AGBL4: variants seen among roughly 807,000 people sequenced by gnomAD.
AGBL4 encodes cytosolic carboxypeptidase 6.
A neutral mutation model predicts 66.4 loss-of-function variants in AGBL4; 58 were observed. The ratio of observed to expected loss-of-function variants is 0.87; its 90% CI spans 0.71 to 1.09. The LOEUF is 1.09. Ranked by LOEUF, AGBL4 falls within the 50% of genes least tolerant of loss-of-function variation. AGBL4 has a pLI of 0.00. For missense variants in AGBL4, 579 were observed against 631.0 expected (o/e 0.92, Z 0.88); for synonymous variants, 234 against 222.9 (o/e 1.05, Z -0.44).
At chr1:49,001,547 A>T (rs1661394490) in intron 5 of AGBL4, among the ~76,000 whole-genome samples, 3 of 152,118 alleles carry the variant, frequency 2.0e-5, no homozygotes. Context: ...AACATCACAA[A>T]CTACACACCA....
intron 1 of AGBL4, among the ~76,000 whole-genome samples, chr1:50,010,469 A>AAC (rs113933841): frequency 0.42 from 62,466 of 148,784 alleles, 14,843 homozygotes; most frequent in Non-Finnish European, 0.54. Context: ...AGGAACCACA[A>AAC]ACACACACAC....
chr1:48,697,333 C>T (rs966820194), intron 6 of AGBL4, among the ~76,000 whole-genome samples: 1 of 152,102 alleles, frequency 6.6e-6, no homozygotes, highest in Non-Finnish European at 1.5e-5. Flanking sequence ...CCACTTTGTT[C>T]TTTCTACAGA....
intron 4 of AGBL4, among the ~76,000 whole-genome samples, chr1:49,200,781 C>T (rs905391990): frequency 1.3e-5 from 2 of 152,136 alleles, no homozygotes; most frequent in Admixed American, 6.6e-5. Flanking sequence ...CTCCCTGAAC[C>T]CAGCCTTTTT....
At chr1:49,385,762 T>C (rs1169445953) in intron 3 of AGBL4, among the ~76,000 whole-genome samples, 3 of 152,056 alleles carry the variant, frequency 2.0e-5, no homozygotes, top group Admixed American at 2.0e-4. Flanking sequence ...TTGCTTTCTT[T>C]TTGTCATCAT....
chr1:48,725,870 C>T (rs1647238685), intron 6 of AGBL4, among the ~76,000 whole-genome samples: 1 of 152,200 alleles, frequency 6.6e-6, no homozygotes, highest in South Asian at 2.1e-4. Flanking sequence ...TTGGCTCTTA[C>T]AAGCATGATT....
At chr1:49,726,934 C>T (rs1649075817) in intron 2 of AGBL4, among the ~76,000 whole-genome samples, 1 of 152,084 alleles carries the variant, frequency 6.6e-6, no homozygotes, top group African/African-American at 2.4e-5. Context: ...AACAAAAACT[C>T]TTGAGTAAGC....
intron 3 of AGBL4, among the ~76,000 whole-genome samples, chr1:49,647,121 A>T (rs1232156507): frequency 6.6e-6 from 1 of 152,018 alleles, no homozygotes; most frequent in Non-Finnish European, 1.5e-5. Context: ...CTAGACAAAA[A>T]TTTCTTAGCT....
At chr1:48,664,206 G>C (rs910084415) in intron 6 of AGBL4, among the ~76,000 whole-genome samples, 3 of 152,186 alleles carry the variant, frequency 2.0e-5, no homozygotes, top group African/African-American at 7.2e-5. Context: ...GAGCTCCAGA[G>C]AGGGGGAAGC....
rs568831673 is a variant in AGBL4 at position 48,553,377 on chromosome 1, A to G, written c.1268-13639T>C. ...CAGTTAAAAATGAGACTGAAGACCA[A>G]AGTAAATATTTGCATAGCAGGATCT... On this transcript the variant is annotated intron_variant, in intron 11 of 13. Transcript: ENST00000371839. 1.1e-4 allele frequency among the ~76,000 whole-genome samples: 17 copies of G among 152,306 alleles called. No homozygotes were observed. The South Asian group carries it at 3.1e-3, about 28-fold the overall frequency.
At chr1:49,192,867 T>G (rs1314840108) in intron 4 of AGBL4, among the ~76,000 whole-genome samples, 1 of 152,178 alleles carries the variant, frequency 6.6e-6, no homozygotes, top group Non-Finnish European at 1.5e-5. Flanking sequence ...GACGTTAAAC[T>G]CACTGCTCTT....
At chr1:48,742,845 T>TATCA in intron 6 of AGBL4, 2 of 1,405,314 alleles carry the variant, frequency 1.4e-6, no homozygotes, top group African/African-American at 1.5e-5. Context: ...ACTAGGCATC[T>TATCA]ATCAGCACAC....
At chr1:49,058,319 AC>A (rs1644342192) in intron 4 of AGBL4, among the ~76,000 whole-genome samples, 3 of 152,026 alleles carry the variant, frequency 2.0e-5, no homozygotes, top group Admixed American at 2.0e-4. Context: ...GGGGGCGGTT[AC>A]CCCCATGCTG....
intron 6 of AGBL4, among the ~76,000 whole-genome samples, chr1:48,799,894 G>T (rs1203918337): frequency 6.6e-6 from 1 of 152,168 alleles, no homozygotes; most frequent in Non-Finnish European, 1.5e-5. Context: ...GTTGGATTCA[G>T]TTAGCTAGTG....
intron 3 of AGBL4, among the ~76,000 whole-genome samples, chr1:49,370,726 C>T (rs948646056): frequency 3.9e-5 from 6 of 152,182 alleles, no homozygotes; most frequent in Non-Finnish European, 8.8e-5. Flanking sequence ...TTTTACCTAA[C>T]AGTATCATTA....
chr1:48,624,377 T>C lies in AGBL4; in HGVS notation c.951+10116A>G, dbSNP rs1320248762. ...CTACCAAGATTTCCCTAAACACCCA[T>C]TGAGTGCCTACTAAGTGTTGGACTC... On this transcript the variant is annotated intron_variant, in intron 9 of 13. Transcript: ENST00000371839. 2.6e-5 allele frequency among the ~76,000 whole-genome samples: 4 copies of C among 152,204 alleles called. No homozygotes were observed. In the South Asian group the frequency reaches 6.2e-4, roughly 24 times the overall value.
rs567310030 is a variant in AGBL4, at chr1:49,350,819, A to G, written c.283-104955T>C. Among the ~76,000 whole-genome samples, 31 of 151,576 alleles carry G rather than the reference A, an allele frequency of 2.0e-4. 2 individuals carry two copies. In the South Asian group the frequency reaches 5.4e-3, roughly 26 times the overall value. ...TCATTCTTATACCTTTGTGTTCTCA[A>G]TAGGACCAGGACAGGACTCTTCCTG... On this transcript the variant is annotated intron_variant, in intron 3 of 13. Transcript: ENST00000371839.
At chr1:49,566,349 G>C (rs1312436998) in intron 3 of AGBL4, among the ~76,000 whole-genome samples, 2 of 152,214 alleles carry the variant, frequency 1.3e-5, no homozygotes, top group Non-Finnish European at 2.9e-5. Flanking sequence ...GTGAGGAGCT[G>C]TGTTCCTTTG....
chr1:49,769,534 C>T (rs768718097), intron 2 of AGBL4, among the ~76,000 whole-genome samples: 4 of 152,138 alleles, frequency 2.6e-5, no homozygotes, highest in Middle Eastern at 3.4e-3. Flanking sequence ...AAAGAAAGAG[C>T]CAGGGCAGAA....
chr1:49,842,189 G>A (rs1443817026), intron 2 of AGBL4: 3 of 426,046 alleles, frequency 7.0e-6, no homozygotes, highest in Non-Finnish European at 1.4e-5. Context: ...TGAGGACATG[G>A]TGGTGGACTT....
Sources: allele counts gnomAD v4.1 joint callset (sites outside exome capture counted in the v4.1 genomes callset), GRCh38; gene constraint gnomAD v4.1.1; transcripts MANE v1.5; gene names NCBI Gene and HGNC (gene_info 2026-07-23, HGNC 2026-07-21).